MRC1: variants seen among roughly 807,000 people sequenced by gnomAD.
MRC1 encodes macrophage mannose receptor 1.
Under a neutral mutation model 102.9 loss-of-function variants are expected in MRC1, and 62 were observed. The ratio of observed to expected loss-of-function variants is 0.60; its 90% CI spans 0.49 to 0.74. The LOEUF is 0.74. Among genes scored for constraint, MRC1 ranks in the 30% least tolerant of loss-of-function variants. The pLI, the probability that MRC1 is intolerant of heterozygous loss-of-function variation, is 0.00. For synonymous variants in MRC1, 457 were observed against 298.4 expected (o/e 1.53, Z -5.48); for missense variants, 1,237 against 862.8 (o/e 1.43, Z -5.43).
At chr10:17,907,082 GC>G (rs1833905101) in intron 27 of MRC1, 83 bp downstream of exon 27, 1 of 743,364 alleles carries the variant, frequency 1.3e-6, no homozygotes, top group African/African-American at 1.7e-5. Flanking sequence ...AAAATGTGTT[GC>G]CTTAAAAATG....
intron 1 of MRC1, among the ~76,000 whole-genome samples, chr10:17,814,105 G>T (rs1206202325): frequency 6.6e-6 from 1 of 152,184 alleles, no homozygotes; most frequent in Non-Finnish European, 1.5e-5. Flanking sequence ...CCATAAAGCA[G>T]ATGGGAAGAT....
At chr10:17,891,890 G>A (rs1361284239) in intron 22 of MRC1, among the ~76,000 whole-genome samples, 13 of 152,156 alleles carry the variant, frequency 8.5e-5, no homozygotes, top group Admixed American at 8.5e-4. Context: ...TAAGATATTG[G>A]GGAGGGGAAG....
At chr10:17,903,943 G>A (rs1468795825) in intron 26 of MRC1, among the ~76,000 whole-genome samples, 3 of 150,884 alleles carry the variant, frequency 2.0e-5, no homozygotes, top group African/African-American at 4.9e-5. Flanking sequence ...GCAACAGAGC[G>A]AGACTTCATT....
At chr10:17,884,973 G>A (rs886305556) in intron 21 of MRC1, among the ~76,000 whole-genome samples, 3 of 152,178 alleles carry the variant, frequency 2.0e-5, no homozygotes, top group Non-Finnish European at 4.4e-5. Flanking sequence ...AGGCAGCCAC[G>A]ACCCAGATAG....
At chr10:17,824,636 G>A (rs2130594115) in intron 2 of MRC1, among the ~76,000 whole-genome samples, 1 of 151,928 alleles carries the variant, frequency 6.6e-6, no homozygotes, top group East Asian at 1.9e-4. Context: ...CAAGCTAAGT[G>A]AACACAAAAA....
At chr10:17,892,738 G>A (rs1308138913) in intron 22 of MRC1, among the ~76,000 whole-genome samples, 1 of 152,130 alleles carries the variant, frequency 6.6e-6, no homozygotes, top group South Asian at 2.1e-4. Flanking sequence ...CTGGCCAGGC[G>A]TGGTGGCTCA....
intron 4 of MRC1, among the ~76,000 whole-genome samples, chr10:17,838,640 A>G (rs1554839630): frequency 1.3e-5 from 2 of 152,276 alleles, no homozygotes; most frequent in East Asian, 1.9e-4. Flanking sequence ...AAAAGTTGGT[A>G]TATAACCATT....
At chr10:17,854,764 A>G (rs1260213944) in intron 8 of MRC1, 4 of 215,252 alleles carry the variant, frequency 1.9e-5, no homozygotes, top group Non-Finnish European at 2.9e-5. Flanking sequence ...TCTTGGCTCA[A>G]TGCAACCTCT....
intron 9 of MRC1, among the ~76,000 whole-genome samples, chr10:17,856,760 C>T (rs1238186560): frequency 6.6e-6 from 1 of 152,076 alleles, no homozygotes; most frequent in Admixed American, 6.5e-5. Context: ...TAGATACCCC[C>T]AAGTTGCTGA....
intron 25 of MRC1, 29 bp downstream of exon 25, chr10:17,900,982 G>C: frequency 1.3e-6 from 1 of 774,382 alleles, no homozygotes; most frequent in Non-Finnish European, 2.4e-6. Context: ...ACAGTCAGGG[G>C]ATCTGAAAAT....
chr10:17,909,882 T>C (rs2130728912), intron 29 of MRC1, among the ~76,000 whole-genome samples: 1 of 152,292 alleles, frequency 6.6e-6, no homozygotes, highest in East Asian at 1.9e-4. Context: ...TTCTTTTAAT[T>C]ATTATCATTA....
intron 6 of MRC1, 21 bp from the exon 7 acceptor site, chr10:17,849,557 CG>C: frequency 2.2e-6 from 1 of 450,038 alleles, no homozygotes; most frequent in South Asian, 2.2e-5. Flanking sequence ...AATTTTTTTC[CG>C]ACCCCCCTTT....
At position 17,845,440 on chromosome 10, in the gene MRC1, GT is replaced by G. The variant is rs1254186203; in HGVS notation, c.1063+6del. 6.4e-5 allele frequency: 50 copies of G among 780,880 alleles called. No individual in the cohort carries two copies. Among genetic ancestry groups the G allele is most frequent in the African/African-American group, 6.1e-4 (36 of 59,268 alleles). The allele number at this position is 780,880 out of a possible 1,614,324, so 48.4% of individuals were successfully genotyped here. A position where few individuals can be genotyped will look rare whatever the true frequency, so the allele number is the denominator to read the frequency against. ...ATTCTTTTGTTATTCCCTCAGGTAA[GT>G]GATCTATGGGATCTGAAGTGCCTCA... On this transcript the variant is annotated splice_donor_region_variant and intron_variant, in intron 6 of 29. Transcript: ENST00000569591.
In MRC1 at chr10:17,910,924, A is replaced by G. The variant is rs1833960715; in HGVS notation, c.*459A>G. The G allele has an allele frequency of 5.5e-6, 1 of 180,934 alleles. No homozygotes were observed. The highest frequency in any genetic ancestry group is 1.2e-5 in the Non-Finnish European group (1 of 84,436). The allele number at this position is 180,934 out of a possible 1,614,324, so 11.2% of individuals were successfully genotyped here. A position where few individuals can be genotyped will look rare whatever the true frequency, so the allele number is the denominator to read the frequency against. ...AATGTAGTCAGTTTTCTCTTTTACC[A>G]GTTTTTATTTCCACTCCAATTATTT... is the stretch of plus-strand genomic sequence containing the variant. On this transcript the variant is annotated 3_prime_UTR_variant, in exon 30 of 30. Coordinates refer to ENST00000569591, the MANE Select transcript of MRC1 (RefSeq NM_002438.4).
chr10:17,862,183 G>A (rs1404915824), intron 10 of MRC1, among the ~76,000 whole-genome samples: 1 of 152,020 alleles, frequency 6.6e-6, no homozygotes, highest in Non-Finnish European at 1.5e-5. Flanking sequence ...CTGGACTTTC[G>A]AGGCAGACCG....
At chr10:17,831,603 T>C (rs926741788) in intron 3 of MRC1, among the ~76,000 whole-genome samples, 2 of 151,352 alleles carry the variant, frequency 1.3e-5, no homozygotes, top group East Asian at 3.9e-4. Context: ...GTAGGCTATG[T>C]GCTTATGGAA....
chr10:17,872,199 A>T lies in MRC1; in HGVS notation c.2344+73A>T, dbSNP rs945565658. ...CCTGACACCCCAGAATCTTTCCTTT[A>T]TTAGCAGAAGCAAACAAACAAAATA... On this transcript the variant is annotated intron_variant, in intron 15 of 29. Coordinates refer to ENST00000569591, the MANE Select transcript of MRC1 (RefSeq NM_002438.4). 199 of 778,352 alleles carry T rather than the reference A, an allele frequency of 2.6e-4. 1 individual carries two copies. The highest frequency in any genetic ancestry group is 4.3e-4 in the Non-Finnish European group (181 of 417,074). 48.2% of individuals were successfully genotyped at this position (778,352 alleles called of 1,614,324 possible).
chr10:17,901,979 C>T lies in MRC1; in HGVS notation c.3656C>T (p.Pro1219Leu), dbSNP rs1222099108. Residue 1219 changes from proline to leucine, a missense_variant, in exon 26 of 30, where the codon CCT becomes CTT. By Grantham distance (98) the Pro-to-Leu change is moderately conservative. Transcript: ENST00000569591. ...YFLCKRSDEI[P>L]ATEPPQLPGR... ...AATGTGTTTTTATTAACAGAAATCC[C>T]TGCTACTGAACCCCCACAACTGCCT... 1.3e-6 allele frequency: 1 copy of T among 780,752 alleles called. No homozygotes were observed. The highest frequency in any genetic ancestry group is 2.4e-6 in the Non-Finnish European group (1 of 417,952). The allele number at this position is 780,752 out of a possible 1,614,324, so 48.4% of individuals were successfully genotyped here.
chr10:17,863,919 T>C (rs1589183692), intron 11 of MRC1, among the ~76,000 whole-genome samples: 1 of 152,156 alleles, frequency 6.6e-6, no homozygotes, highest in Non-Finnish European at 1.5e-5. Context: ...CTAGGTTATA[T>C]TGCTGGGTTA....
Sources: allele counts gnomAD v4.1 joint callset (sites outside exome capture counted in the v4.1 genomes callset), GRCh38; gene constraint gnomAD v4.1.1; transcripts MANE v1.5; gene names NCBI Gene and HGNC (gene_info 2026-07-23, HGNC 2026-07-21).